Variants in IFT81 observed in about 807,000 individuals in gnomAD.
The protein encoded by IFT81 is intraflagellar transport 81, also known as intraflagellar transport protein 81 homolog.
In IFT81, 72 loss-of-function variants were observed where a neutral mutation model predicts 102.6. The observed-to-expected ratio is 0.70, with a 90% CI of 0.58 to 0.85. The LOEUF is 0.85. Ranked by LOEUF, IFT81 falls within the 40% of genes least tolerant of loss-of-function variation. The pLI, the probability that IFT81 is intolerant of heterozygous loss-of-function variation, is 0.00. For missense variants in IFT81, 723 were observed against 787.3 expected, an observed-to-expected ratio of 0.92 and a Z score of 0.98; for synonymous variants, 237 against 242.7, an observed-to-expected ratio of 0.98 and a Z score of 0.22.
intron 18 of IFT81, among the ~76,000 whole-genome samples, chr12:110,213,819 C>T (rs561981306): frequency 3.3e-5 from 5 of 152,218 alleles, no homozygotes; most frequent in South Asian, 4.2e-4. Flanking sequence ...TAGTCCCATT[C>T]GTACTCAAAT....
chr12:110,197,532 A>G (rs1334328161), intron 14 of IFT81, among the ~76,000 whole-genome samples: 1 of 113,630 alleles, frequency 8.8e-6, no homozygotes, highest in Non-Finnish European at 1.8e-5. Flanking sequence ...CTATTCTGAT[A>G]TTATTTATTC....
rs189753409 is a variant in IFT81 at position 110,177,869 on chromosome 12, C to T, written c.1189-2553C>T. On this transcript the variant is annotated intron_variant, in intron 11 of 18. Coordinates refer to ENST00000242591, the MANE Select transcript of IFT81 (RefSeq NM_014055.4). The stretch of plus-strand genomic sequence containing the variant: ...TAGCACTTTGGGAGGCCAAGGTGGG[C>T]GGATCACCTGAGGTCAGGAGTTCAA... Among the ~76,000 whole-genome samples, 6 of 151,954 alleles carry T rather than the reference C, an allele frequency of 3.9e-5. 1 individual carries two copies. Among genetic ancestry groups the T allele is most frequent in the Admixed American group, 3.9e-4 (6 of 15,268 alleles).
intron 8 of IFT81, among the ~76,000 whole-genome samples, chr12:110,138,576 G>A (rs560552767): frequency 1.3e-5 from 2 of 152,250 alleles, no homozygotes; most frequent in African/African-American, 2.4e-5. Context: ...GGGATTACAG[G>A]TGTGTGCCAC....
At chr12:110,132,138 G>A (rs1171894990) in intron 4 of IFT81, among the ~76,000 whole-genome samples, 4 of 152,172 alleles carry the variant, frequency 2.6e-5, no homozygotes. Context: ...AATGACTTAA[G>A]TAATCGCTGT....
In IFT81 at chr12:110,147,700, A is replaced by G. The variant is rs980112327; in HGVS notation, c.1041+652A>G. On this transcript the variant is annotated intron_variant, in intron 10 of 18. Transcript: ENST00000242591. ...TTATAACGGAAAATTTCAATCAATT[A>G]CAAAGGTAGAGGCAAATTGTTCAAT... 3.3e-5 allele frequency among the ~76,000 whole-genome samples: 5 copies of G among 152,224 alleles called. 1 individual carries two copies. Among genetic ancestry groups the G allele is most frequent in the Admixed American group, 2.6e-4 (4 of 15,276 alleles).
intron 12 of IFT81, among the ~76,000 whole-genome samples, chr12:110,181,625 G>C (rs1239140154): frequency 6.6e-6 from 1 of 152,170 alleles, no homozygotes; most frequent in African/African-American, 2.4e-5. Context: ...AATTCAGTCA[G>C]TATGTTAGCC....
At chr12:110,191,074 C>A (rs370519451) in intron 13 of IFT81, 26 bp downstream of exon 13, 5 of 1,576,768 alleles carry the variant, frequency 3.2e-6, no homozygotes, top group Admixed American at 3.7e-5. Flanking sequence ...TTTAAATTTT[C>A]TTTTATTGTG....
chr12:110,127,997 C>T lies in IFT81; in HGVS notation c.145-49C>T, dbSNP rs541293931. ...TTTGTCAGTGAGTTTAAATATTGTC[C>T]TTTGTTACATATACAACAATAACAT... On this transcript the variant is annotated intron_variant, in intron 2 of 18. Coordinates refer to ENST00000242591, the MANE Select transcript of IFT81 (RefSeq NM_014055.4). The T allele has an allele frequency of 3.9e-6, 5 of 1,266,272 alleles. No individual in the cohort carries two copies. The East Asian group carries it at 1.2e-4, about 29-fold the overall frequency. The allele number at this position is 1,266,272 out of a possible 1,614,324, so 78.4% of individuals were successfully genotyped here. A position where few individuals can be genotyped will look rare whatever the true frequency, so the allele number is the denominator to read the frequency against.
chr12:110,169,552 C>T (rs1896638738), intron 11 of IFT81, among the ~76,000 whole-genome samples: 1 of 152,094 alleles, frequency 6.6e-6, no homozygotes, highest in African/African-American at 2.4e-5. Context: ...AAAATGTCTA[C>T]CACTTGAGCT....
At chr12:110,201,203 G>T (rs1474644372) in intron 14 of IFT81, among the ~76,000 whole-genome samples, 1 of 151,988 alleles carries the variant, frequency 6.6e-6, no homozygotes, top group East Asian at 1.9e-4. Flanking sequence ...AGGAGTTCAA[G>T]ACCATCCTGG....
At chr12:110,125,628 C>T (rs903027547) in intron 1 of IFT81, among the ~76,000 whole-genome samples, 2 of 152,210 alleles carry the variant, frequency 1.3e-5, no homozygotes, top group African/African-American at 4.8e-5. Context: ...CTCCTGACCT[C>T]AAGTGATCTG....
At chr12:110,216,302 A>G (rs1172338717) in intron 18 of IFT81, among the ~76,000 whole-genome samples, 1 of 150,218 alleles carries the variant, frequency 6.7e-6, no homozygotes, top group Non-Finnish European at 1.5e-5. Context: ...TGACCCTTCC[A>G]CCTCAGCCTC....
chr12:110,150,131 G>A (rs1257044375), intron 10 of IFT81, among the ~76,000 whole-genome samples: 1 of 151,120 alleles, frequency 6.6e-6, no homozygotes, highest in Non-Finnish European at 1.5e-5. Context: ...TTTTGAGACA[G>A]AGTCTCGCTT....
At chr12:110,209,598 G>A (rs1319411689) in intron 18 of IFT81, among the ~76,000 whole-genome samples, 1 of 151,790 alleles carries the variant, frequency 6.6e-6, no homozygotes, top group Non-Finnish European at 1.5e-5. Context: ...GTGAAACCCC[G>A]TCTCTATGAA....
At chr12:110,193,176 C>T (rs1233941004) in intron 14 of IFT81, among the ~76,000 whole-genome samples, 2 of 151,906 alleles carry the variant, frequency 1.3e-5, no homozygotes, top group Non-Finnish European at 1.5e-5. Context: ...CCCCTCCCCC[C>T]AAAAATGACT....
At chr12:110,125,585 G>A (rs915860726) in intron 1 of IFT81, among the ~76,000 whole-genome samples, 28 of 152,208 alleles carry the variant, frequency 1.8e-4, no homozygotes, top group Admixed American at 1.7e-3. Context: ...AGTAGAGACC[G>A]GGTTTCACCA....
intron 11 of IFT81, among the ~76,000 whole-genome samples, chr12:110,177,817 G>T (rs1000476856): frequency 7.2e-5 from 11 of 152,170 alleles, no homozygotes; most frequent in African/African-American, 2.4e-4. Flanking sequence ...AGGAAAAGCC[G>T]GGCGCAGTGG....
intron 14 of IFT81, chr12:110,203,588 C>T (rs1209527986): frequency 5.9e-6 from 2 of 340,912 alleles, no homozygotes; most frequent in Non-Finnish European, 1.1e-5. Context: ...CTGAACATTA[C>T]TTGAGAGGAA....
intron 11 of IFT81, chr12:110,168,540 C>T (rs1184543848): frequency 9.9e-6 from 6 of 607,520 alleles, no homozygotes; most frequent in Non-Finnish European, 1.0e-5. Context: ...AAAAAGTATC[C>T]TGTTTATGGT....
Sources: allele counts gnomAD v4.1 joint callset (sites outside exome capture counted in the v4.1 genomes callset), GRCh38; gene constraint gnomAD v4.1.1; transcripts MANE v1.5; gene names NCBI Gene and HGNC (gene_info 2026-07-23, HGNC 2026-07-21).